The following CNTNAP2 variants were observed in gnomAD, a reference collection of about 807,000 sequenced individuals.
CNTNAP2 encodes contactin-associated protein-like 2.
A neutral mutation model predicts 155.2 loss-of-function variants in CNTNAP2; 98 were observed. That is an observed-to-expected ratio of 0.63 (90% CI 0.54 to 0.75). The LOEUF (loss-of-function observed/expected upper bound fraction) is 0.75. Ranked by LOEUF, CNTNAP2 falls within the 30% of genes least tolerant of loss-of-function variation. The pLI, the probability that CNTNAP2 is intolerant of heterozygous loss-of-function variation, is 0.00. For synonymous variants in CNTNAP2, 651 were observed against 631.2 expected (o/e 1.03, Z -0.47); for missense variants, 1,727 against 1,688.1 (o/e 1.02, Z -0.40).
intron 3 of CNTNAP2, among the ~76,000 whole-genome samples, chr7:146,913,768 T>TC (rs140215509): frequency 6.6e-6 from 1 of 152,014 alleles, no homozygotes; most frequent in Non-Finnish European, 1.5e-5. Context: ...CTTTTTTTTT[T>TC]CAATAGGTTT....
intron 2 of CNTNAP2, among the ~76,000 whole-genome samples, chr7:146,784,183 T>C (rs901998744): frequency 1.3e-5 from 2 of 152,214 alleles, no homozygotes; most frequent in Non-Finnish European, 2.9e-5. Flanking sequence ...AAGTTACTAT[T>C]TTCCCCTTTG....
At chr7:146,608,781 A>G (rs763309428) in intron 1 of CNTNAP2, among the ~76,000 whole-genome samples, 4 of 151,936 alleles carry the variant, frequency 2.6e-5, no homozygotes, top group Non-Finnish European at 5.9e-5. Context: ...ATCTCTAACA[A>G]TTTCATCTTT....
intron 4 of CNTNAP2, among the ~76,000 whole-genome samples, chr7:147,079,795 C>A (rs1800082194): frequency 6.6e-6 from 1 of 152,090 alleles, no homozygotes; most frequent in Admixed American, 6.5e-5. Flanking sequence ...AACACAATAA[C>A]AATCCCATAG....
chr7:147,773,839 CA>C (rs34862356), intron 13 of CNTNAP2, among the ~76,000 whole-genome samples: 5,411 of 152,216 alleles, frequency 0.036, 239 homozygotes, highest in Admixed American at 0.098. Flanking sequence ...GAGTAATAAA[CA>C]AAAAATTTTT....
At chr7:148,138,626 C>A (rs189938107) in intron 16 of CNTNAP2, among the ~76,000 whole-genome samples, 1 of 152,266 alleles carries the variant, frequency 6.6e-6, no homozygotes, top group Non-Finnish European at 1.5e-5. Context: ...TCTAGGGGAT[C>A]CTTAGGTATG....
intron 1 of CNTNAP2, among the ~76,000 whole-genome samples, chr7:146,292,685 C>T (rs907546975): frequency 5.9e-5 from 9 of 152,140 alleles, no homozygotes. Context: ...ATGGTTAGTG[C>T]AGCACTATTC....
At chr7:146,965,523 C>T (rs1285503969) in intron 3 of CNTNAP2, among the ~76,000 whole-genome samples, 1 of 152,030 alleles carries the variant, frequency 6.6e-6, no homozygotes, top group Non-Finnish European at 1.5e-5. Context: ...TCTAGCCTAA[C>T]TAAACATGGG....
At chr7:147,514,515 T>C (rs1209139131) in intron 11 of CNTNAP2, among the ~76,000 whole-genome samples, 1 of 151,768 alleles carries the variant, frequency 6.6e-6, no homozygotes, top group Non-Finnish European at 1.5e-5. Flanking sequence ...GAGGACAAAG[T>C]AACAGAATAA....
intron 1 of CNTNAP2, among the ~76,000 whole-genome samples, chr7:146,712,385 C>CTATATAGTATACATA (rs1232637853): frequency 4.1e-4 from 53 of 129,476 alleles, no homozygotes; most frequent in African/African-American, 1.1e-3. Flanking sequence ...CTTATGTATA[C>CTATATAGTATACATA]TATATATATA....
At chr7:146,887,323 T>G (rs1342040242) in intron 3 of CNTNAP2, among the ~76,000 whole-genome samples, 1 of 151,794 alleles carries the variant, frequency 6.6e-6, no homozygotes, top group Non-Finnish European at 1.5e-5. Flanking sequence ...TGATTCTGTT[T>G]TATGTTTTGT....
In CNTNAP2 at chr7:147,763,419, CT is replaced by C. The variant is rs57029271; in HGVS notation, c.2098+124126del. On this transcript the variant is annotated intron_variant, in intron 13 of 23. Transcript: ENST00000361727. The stretch of plus-strand genomic sequence containing the variant: ...AGAATACGATACTTTACAAATTTTT[CT>C]TTTTTTTTTTTTGGAGACGGAAGTG... Among the ~76,000 whole-genome samples, 187 of 142,982 alleles carry C rather than the reference CT, an allele frequency of 1.3e-3. 1 individual carries two copies. Among genetic ancestry groups the C allele is most frequent in the South Asian group, 1.6e-3 (7 of 4,490 alleles). The allele number at this position is 142,982 out of a possible 152,430, so 93.8% of individuals were successfully genotyped here. A position where few individuals can be genotyped will look rare whatever the true frequency, so the allele number is the denominator to read the frequency against.
chr7:148,028,478 AGGT>A (rs1802411511), intron 15 of CNTNAP2, among the ~76,000 whole-genome samples: 1 of 152,198 alleles, frequency 6.6e-6, no homozygotes, highest in South Asian at 2.1e-4. Context: ...AATGTGACCA[AGGT>A]GGAAGGATCA....
chr7:147,263,387 A>G (rs1384801866), intron 8 of CNTNAP2, among the ~76,000 whole-genome samples: 1 of 151,210 alleles, frequency 6.6e-6, no homozygotes, highest in Admixed American at 6.6e-5. Flanking sequence ...TAAAAAAAAA[A>G]AGTCACTTCT....
At chr7:146,655,213 GA>G (rs1437727243) in intron 1 of CNTNAP2, among the ~76,000 whole-genome samples, 1 of 151,760 alleles carries the variant, frequency 6.6e-6, no homozygotes, top group African/African-American at 2.4e-5. Context: ...AGGAGTTCAA[GA>G]CCAGCCCAAC....
chr7:147,314,679 T>C (rs980014297), intron 9 of CNTNAP2, among the ~76,000 whole-genome samples: 1 of 151,390 alleles, frequency 6.6e-6, no homozygotes, highest in East Asian at 1.9e-4. Context: ...TTTGGAACTT[T>C]TCCTATTATC....
intron 15 of CNTNAP2, among the ~76,000 whole-genome samples, chr7:148,076,745 T>A (rs1309040864): frequency 5.3e-5 from 8 of 152,048 alleles, no homozygotes; most frequent in Non-Finnish European, 8.8e-5. Context: ...GCCCGGCCGA[T>A]AGCTCTGACT....
chr7:146,275,683 C>T (rs1800152849), intron 1 of CNTNAP2, among the ~76,000 whole-genome samples: 2 of 152,230 alleles, frequency 1.3e-5, no homozygotes, highest in South Asian at 4.1e-4. Flanking sequence ...TTACATGAGC[C>T]TCTATATCTT....
chr7:146,857,267 G>A (rs1562975503), intron 3 of CNTNAP2, among the ~76,000 whole-genome samples: 1 of 152,054 alleles, frequency 6.6e-6, no homozygotes, highest in African/African-American at 2.4e-5. Context: ...GAGTAAAATA[G>A]AAGAATAAGA....
intron 3 of CNTNAP2, among the ~76,000 whole-genome samples, chr7:146,851,857 A>ATT (rs150034598): frequency 2.0e-5 from 3 of 151,034 alleles, no homozygotes; most frequent in African/African-American, 7.3e-5. Flanking sequence ...ATTTTAATTT[A>ATT]TTTATTTTTT....
Sources: gnomAD v4.1 joint callset for allele counts (sites outside exome capture counted in the v4.1 genomes callset) on GRCh38, gnomAD v4.1.1 for gene constraint, MANE v1.5 for transcripts, NCBI Gene and HGNC (gene_info 2026-07-23, HGNC 2026-07-21) for gene names.